Variants in SLC24A3 observed in about 807,000 individuals in gnomAD.
The protein encoded by SLC24A3 is sodium/potassium/calcium exchanger 3.
Under a neutral mutation model 75.8 loss-of-function variants are expected in SLC24A3, and 28 were observed. That is an observed-to-expected ratio of 0.37 (90% confidence interval 0.27 to 0.51). The LOEUF is 0.51. Ranked by LOEUF, SLC24A3 falls within the 20% of genes least tolerant of loss-of-function variation. SLC24A3 has a pLI of 0.94. For missense variants in SLC24A3, 663 were observed against 847.8 expected, an observed-to-expected ratio of 0.78 and a Z score of 2.71; for synonymous variants, 372 against 334.1, an observed-to-expected ratio of 1.11 and a Z score of -1.24.
At chr20:19,527,695 C>G (rs554484174) in intron 3 of SLC24A3, among the ~76,000 whole-genome samples, 17 of 152,306 alleles carry the variant, frequency 1.1e-4, no homozygotes, top group African/African-American at 3.4e-4. Flanking sequence ...AGACCCTGCC[C>G]TGCAAAGACA....
intron 3 of SLC24A3, among the ~76,000 whole-genome samples, chr20:19,529,330 C>T (rs2030253815): frequency 6.6e-6 from 1 of 152,148 alleles, no homozygotes. Context: ...ATTCTCCTTG[C>T]AAACCTGTTC....
At chr20:19,478,859 G>C in intron 2 of SLC24A3, among the ~76,000 whole-genome samples, 1 of 152,202 alleles carries the variant, frequency 6.6e-6, no homozygotes. Context: ...CCAAAATAAA[G>C]CCCAGTGTCT....
intron 2 of SLC24A3, among the ~76,000 whole-genome samples, chr20:19,495,287 TG>T (rs1456848605): frequency 4.6e-5 from 7 of 152,242 alleles, no homozygotes; most frequent in African/African-American, 9.6e-5. Context: ...GTGGTTGTCC[TG>T]CCTGTACTTT....
At chr20:19,557,259 C>T (rs1177932133) in intron 3 of SLC24A3, among the ~76,000 whole-genome samples, 1 of 152,196 alleles carries the variant, frequency 6.6e-6, no homozygotes, top group Non-Finnish European at 1.5e-5. Flanking sequence ...TATACTGAAT[C>T]CTGCCCCAGC....
intron 2 of SLC24A3, among the ~76,000 whole-genome samples, chr20:19,506,529 A>G (rs1271527138): frequency 6.6e-6 from 1 of 152,236 alleles, no homozygotes; most frequent in East Asian, 1.9e-4. Flanking sequence ...CAGCTCTTCC[A>G]CTAACGTCTA....
chr20:19,488,316 C>T (rs1988157692), intron 2 of SLC24A3, among the ~76,000 whole-genome samples: 1 of 152,184 alleles, frequency 6.6e-6, no homozygotes, highest in Admixed American at 6.5e-5. Flanking sequence ...CAGGATTGCA[C>T]CTCCTCTTGC....
At chr20:19,341,275 A>T (rs1201253800) in intron 2 of SLC24A3, among the ~76,000 whole-genome samples, 1 of 152,158 alleles carries the variant, frequency 6.6e-6, no homozygotes, top group Non-Finnish European at 1.5e-5. Flanking sequence ...GCTTGTGACA[A>T]TCCCCGGGAA....
At chr20:19,223,676 C>T (rs373318527) in intron 1 of SLC24A3, among the ~76,000 whole-genome samples, 12 of 151,782 alleles carry the variant, frequency 7.9e-5, no homozygotes, top group South Asian at 2.1e-4. Flanking sequence ...TGTGGTCGCT[C>T]CTTCTCTCTC....
chr20:19,323,275 G>A (rs563419498), intron 2 of SLC24A3, among the ~76,000 whole-genome samples: 1 of 151,414 alleles, frequency 6.6e-6, no homozygotes, highest in Non-Finnish European at 1.5e-5. Flanking sequence ...AGAGCATTGA[G>A]AATAGAGCTT....
chr20:19,550,984 T>G (rs529632866), intron 3 of SLC24A3, among the ~76,000 whole-genome samples: 1 of 152,326 alleles, frequency 6.6e-6, no homozygotes, highest in South Asian at 2.1e-4. Flanking sequence ...ACGGGCCACA[T>G]GGACTCTGCA....
intron 12 of SLC24A3, among the ~76,000 whole-genome samples, chr20:19,690,021 ACT>A (rs1250828855): frequency 1.1e-5 from 1 of 91,540 alleles, no homozygotes; most frequent in Non-Finnish European, 2.0e-5. Flanking sequence ...AAAGAGTGAG[ACT>A]CTGTCTCAAA....
intron 2 of SLC24A3, among the ~76,000 whole-genome samples, chr20:19,467,228 T>C (rs541010830): frequency 6.6e-5 from 10 of 152,238 alleles, no homozygotes; most frequent in Middle Eastern, 6.8e-3. Flanking sequence ...GTGATAGAGA[T>C]AGAAGAGAGC....
chr20:19,681,686 C>A (rs986262751), intron 9 of SLC24A3, among the ~76,000 whole-genome samples, 172 bp from the exon 10 acceptor site: 6 of 152,194 alleles, frequency 3.9e-5, no homozygotes, highest in African/African-American at 1.4e-4. Context: ...GGAAATGGGA[C>A]AGGCTTGTAT....
At chr20:19,369,390 A>G (rs1456912647) in intron 2 of SLC24A3, among the ~76,000 whole-genome samples, 1 of 152,226 alleles carries the variant, frequency 6.6e-6, no homozygotes, top group Non-Finnish European at 1.5e-5. Context: ...CAAAATGTCA[A>G]GGGCATGAAA....
In SLC24A3 at chr20:19,212,961, T is replaced by C; in HGVS notation, c.119T>C (p.Leu40Pro). The change falls in exon 1 of 17, where the codon CTG (leucine) becomes CCG (proline). Residue 40 changes from leucine (L) to proline (P), a missense_variant. Physicochemically the swap from Leu to Pro is moderately conservative, Grantham distance 98. Coordinates refer to ENST00000328041, the MANE Select transcript of SLC24A3 (RefSeq NM_020689.4). ...LASVALLLWSLSSLREQKELD... is the reference protein window; with the variant it reads ...LASVALLLWSPSSLREQKELD... Reference sequence around the variant, plus strand: ...TCGGTGGCGCTGCTGCTCTGGTCGCTGTCGAGCCTGCGAGAGCAGAAGGGT... The same window carrying C: ...TCGGTGGCGCTGCTGCTCTGGTCGCCGTCGAGCCTGCGAGAGCAGAAGGGT... The C allele has an allele frequency of 7.6e-7, 1 of 1,313,352 alleles. No individual in the cohort carries two copies. The highest frequency in any genetic ancestry group is 9.7e-7 in the Non-Finnish European group (1 of 1,029,052). The allele number at this position is 1,313,352 out of a possible 1,614,324, so 81.4% of individuals were successfully genotyped here.
chr20:19,710,959 A>G (rs1415507134), intron 15 of SLC24A3, among the ~76,000 whole-genome samples: 2 of 152,052 alleles, frequency 1.3e-5, no homozygotes, highest in Non-Finnish European at 2.9e-5. Context: ...AACCCTCACC[A>G]TGGCCTGTCT....
Position 19,406,223 on chromosome 20 carries a change from T to TGAGA in SLC24A3, c.272-109264_272-109263insAGAG, listed in dbSNP as rs1268823532. 1.6e-4 allele frequency among the ~76,000 whole-genome samples: 24 copies of TGAGA among 149,952 alleles called. No homozygotes were observed. In the South Asian group the frequency reaches 1.7e-3, roughly 11 times the overall value. ...GTGTGTGTGTGCGTGCGTGTGTGTG[T>TGAGA]GTGTGAGAGAGAGAGAAAGCATATC... On this transcript the variant is annotated intron_variant, in intron 2 of 16. Transcript: ENST00000328041.
chr20:19,487,861 G>A (rs771877094), intron 2 of SLC24A3, among the ~76,000 whole-genome samples: 9 of 152,164 alleles, frequency 5.9e-5, no homozygotes, highest in Non-Finnish European at 1.2e-4. Flanking sequence ...CTTAAAATGA[G>A]GCTTCTTTAT....
intron 6 of SLC24A3, among the ~76,000 whole-genome samples, chr20:19,622,033 G>C: frequency 6.6e-6 from 1 of 152,216 alleles, no homozygotes; most frequent in East Asian, 1.9e-4. Context: ...GTTCTGAGGA[G>C]CTCTCCTTAG....
Sources: allele counts gnomAD v4.1 joint callset (sites outside exome capture counted in the v4.1 genomes callset), GRCh38; gene constraint gnomAD v4.1.1; transcripts MANE v1.5; gene names NCBI Gene and HGNC (gene_info 2026-07-23, HGNC 2026-07-21).